Variants in PP2D1 observed in about 807,000 individuals in gnomAD.
The protein encoded by PP2D1 is protein phosphatase 2C-like domain-containing protein 1.
In PP2D1, 25 loss-of-function variants were observed where a neutral mutation model predicts 30.2. The ratio of observed to expected loss-of-function variants is 0.83; its 90% CI spans 0.60 to 1.16. The LOEUF is 1.16. PP2D1 is among the 50% of genes most tolerant of loss of function. The pLI, the probability that PP2D1 is intolerant of heterozygous loss-of-function variation, is 0.00. For synonymous variants in PP2D1, 260 were observed against 258.9 expected, an observed-to-expected ratio of 1.00 and a Z score of -0.04; for missense variants, 760 against 742.4, an observed-to-expected ratio of 1.02 and a Z score of -0.28.
rs1697022246 is a variant in PP2D1, at chr3:19,985,764, G to A, written c.1509C>T (p.Asn503=). ...GPLLFSTSEP[N]LTKSQSNIHV... is the part of the protein sequence containing the mutation. ...GGATATTACTCTGTGATTTAGTAAG[G>A]TTTGGTTCACTGGTTGAAAAAAGCA... Residue 503 remains asparagine (N), a synonymous_variant, in exon 3 of 3, where the codon AAC becomes AAT. Transcript: ENST00000389050. 6.5e-7 allele frequency: 1 copy of A among 1,536,016 alleles called. No individual in the cohort carries two copies.
At chr3:19,980,915 A>C (rs866077168), downstream of PP2D1, among the ~76,000 whole-genome samples, 3 of 152,216 alleles carry the variant, frequency 2.0e-5, no homozygotes. Flanking sequence ...ATGCTGATGT[A>C]GAATGGAATG....
chr3:19,983,753 C>T (rs748204519), downstream of PP2D1: 1 of 1,612,496 alleles, frequency 6.2e-7, no homozygotes, highest in Non-Finnish European at 8.5e-7. Context: ...GGAGCAAATT[C>T]TGCCAGAGGA....
intron 2 of PP2D1, among the ~76,000 whole-genome samples, chr3:19,988,040 G>T (rs973641787): frequency 6.6e-6 from 1 of 151,942 alleles, no homozygotes; most frequent in African/African-American, 2.4e-5. Flanking sequence ...GTTGTATGTC[G>T]CTTCAGGACC....
chr3:20,002,294 A>G (rs2125144788), intron 1 of PP2D1, among the ~76,000 whole-genome samples, 198 bp from the exon 2 acceptor site: 1 of 152,366 alleles, frequency 6.6e-6, no homozygotes, highest in South Asian at 2.1e-4. Context: ...CCTGAAATAA[A>G]TTAGGCAAAA....
At chr3:19,989,204 C>A (rs1173862081) in intron 2 of PP2D1, among the ~76,000 whole-genome samples, 1 of 152,098 alleles carries the variant, frequency 6.6e-6, no homozygotes, top group Non-Finnish European at 1.5e-5. Context: ...TGATGGTGCA[C>A]ACCTGTAATC....
chr3:20,007,842 C>A, intron 1 of PP2D1: 1 of 185,304 alleles, frequency 5.4e-6, no homozygotes, highest in South Asian at 1.2e-4. Context: ...CTCATGAACC[C>A]TGAAGGAGTG....
Position 19,986,042 on chromosome 3 carries a change from C to G in PP2D1, c.1231G>C (p.Glu411Gln). Residue 411 changes from glutamate (E) to glutamine (Q), a missense_variant, in exon 3 of 3, where the codon GAG becomes CAG. Around this residue, in one of 3 missense-constraint regions of PP2D1, gnomAD observed 369 missense variants for 316.2 expected, o/e 1.17. Coordinates refer to ENST00000389050, the MANE Select transcript of PP2D1 (RefSeq NM_001252657.2). ...CCTCGTGTAGTTTTTACTTGCCCCT[C>G]TACAAGCCCGTATGGTTCATTTGAA... is the stretch of plus-strand genomic sequence containing the variant. ...ISSNEPYGLV[E>Q]GQVKTTRGLG... The G allele has an allele frequency of 6.5e-7, 1 of 1,536,096 alleles. No homozygotes were observed. The highest frequency in any genetic ancestry group is 1.2e-5 in the South Asian group (1 of 84,056).
In PP2D1 at chr3:19,985,970, C is replaced by T. The variant is rs1697027133; in HGVS notation, c.1303G>A (p.Ala435Thr). The T allele has an allele frequency of 6.5e-7, 1 of 1,536,160 alleles. No individual in the cohort carries two copies. Among genetic ancestry groups the T allele is most frequent in the Non-Finnish European group, 8.7e-7 (1 of 1,146,868 alleles). The change falls in exon 3 of 3, where the codon GCA becomes ACA. Residue 435 changes from alanine to threonine, a missense_variant. Ala to Thr is a moderately conservative substitution (Grantham distance 58). Coordinates refer to ENST00000389050, the MANE Select transcript of PP2D1 (RefSeq NM_001252657.2). ...NLKLKKSIIP[A>T]PQTISVPIDD... ...ATAGGGACAGAAATAGTTTGAGGTG[C>T]TGGGATAATGGATTTTTTCAGCTTG...
At chr3:19,983,067 T>C (rs1696961996), downstream of PP2D1, among the ~76,000 whole-genome samples, 1 of 152,180 alleles carries the variant, frequency 6.6e-6, no homozygotes, top group Non-Finnish European at 1.5e-5. Flanking sequence ...CCAGGTGCCA[T>C]GGCTCACGCC....
At chr3:19,982,933 T>A (rs1308188188), downstream of PP2D1, among the ~76,000 whole-genome samples, 1 of 152,204 alleles carries the variant, frequency 6.6e-6, no homozygotes, top group Admixed American at 6.5e-5. Context: ...GTATCCTGAC[T>A]TGTTCTAAAA....
At chr3:19,986,539 C>T (rs1697038757) in intron 2 of PP2D1, among the ~76,000 whole-genome samples, 1 of 152,154 alleles carries the variant, frequency 6.6e-6, no homozygotes, top group Non-Finnish European at 1.5e-5. Flanking sequence ...ACATATATTC[C>T]ATCTAGGAGA....
intron 2 of PP2D1, among the ~76,000 whole-genome samples, chr3:19,996,111 G>A (rs1053169262): frequency 4.6e-5 from 7 of 151,806 alleles, no homozygotes; most frequent in Non-Finnish European, 7.4e-5. Context: ...ATTAACCAAG[G>A]TAGACACTAA....
chr3:19,984,079 A>C (rs1696986081), downstream of PP2D1: 3 of 425,544 alleles, frequency 7.0e-6, no homozygotes, highest in Admixed American at 1.2e-4. Flanking sequence ...GTTAGGGGGA[A>C]TAATTTCTCA....
intron 2 of PP2D1, among the ~76,000 whole-genome samples, 184 bp from the exon 3 acceptor site, chr3:19,986,366 A>C (rs760163605): frequency 2.0e-5 from 3 of 152,346 alleles, no homozygotes; most frequent in Middle Eastern, 3.4e-3. Context: ...ACAGATTTCA[A>C]ACAGGTCAAT....
chr3:19,991,369 T>A (rs1245600466), intron 2 of PP2D1, among the ~76,000 whole-genome samples: 1 of 152,276 alleles, frequency 6.6e-6, no homozygotes, highest in East Asian at 1.9e-4. Context: ...GTAGGCAATA[T>A]CAACATTTTT....
At chr3:19,989,496 C>A (rs1697088111) in intron 2 of PP2D1, among the ~76,000 whole-genome samples, 1 of 152,148 alleles carries the variant, frequency 6.6e-6, no homozygotes, top group Admixed American at 6.5e-5. Context: ...TATATGGCCC[C>A]TCATTTCTTT....
At chr3:19,990,887 A>G (rs1428181831) in intron 2 of PP2D1, among the ~76,000 whole-genome samples, 1 of 151,982 alleles carries the variant, frequency 6.6e-6, no homozygotes, top group Non-Finnish European at 1.5e-5. Context: ...AGAAGTGGAG[A>G]GGAACCAGCC....
At chr3:19,995,238 G>A (rs151293459) in intron 2 of PP2D1, among the ~76,000 whole-genome samples, 3 of 152,314 alleles carry the variant, frequency 2.0e-5, no homozygotes, top group Non-Finnish European at 4.4e-5. Flanking sequence ...AGTTTTTGCG[G>A]TTGTAGTTAA....
At chr3:19,990,294 T>C (rs769471423) in intron 2 of PP2D1, among the ~76,000 whole-genome samples, 2 of 152,110 alleles carry the variant, frequency 1.3e-5, no homozygotes, top group Non-Finnish European at 2.9e-5. Flanking sequence ...AAAGGCATGT[T>C]CCACCACACC....
Sources: gnomAD v4.1 joint callset for allele counts (sites outside exome capture counted in the v4.1 genomes callset) on GRCh38, gnomAD v4.1.1 for gene constraint, gnomAD v4.1.1 regional missense constraint, MANE v1.5 for transcripts, NCBI Gene and HGNC (gene_info 2026-07-23, HGNC 2026-07-21) for gene names.